Variants in FSBP observed in about 807,000 individuals in gnomAD.
FSBP encodes fibrinogen silencer-binding protein.
FSBP carries 18 observed loss-of-function variants against 24.6 expected under a neutral mutation model. That is an observed-to-expected ratio of 0.73 (90% confidence interval 0.51 to 1.08). The LOEUF (loss-of-function observed/expected upper bound fraction) is 1.08. Ranked by LOEUF, FSBP falls within the 50% of genes least tolerant of loss-of-function variation. The pLI is 0.00. For synonymous variants in FSBP, 110 were observed against 125.8 expected (o/e 0.87, Z 0.84); for missense variants, 305 against 347.6 (o/e 0.88, Z 0.98).
intron 1 of FSBP, among the ~76,000 whole-genome samples, chr8:94,434,536 T>G (rs1812204965): frequency 6.6e-6 from 1 of 151,872 alleles, no homozygotes; most frequent in Non-Finnish European, 1.5e-5. Context: ...TTTAAGTATG[T>G]TAACGCAAAC....
rs79346983 is a variant in FSBP, at chr8:94,432,172, T to C, written c.859A>G (p.Ile287Val). The change falls in exon 2 of 2, where the codon ATT becomes GTT. Residue 287 changes from isoleucine (I) to valine (V), a missense_variant. Physicochemically the swap from Ile to Val is conservative, Grantham distance 29. Coordinates refer to ENST00000481490, the MANE Select transcript of FSBP (RefSeq NM_001256141.2). The stretch of plus-strand genomic sequence containing the variant: ...TCAGGTAGATCATGCCGTAAGCGAA[T>C]TGCTTTCAGCTTCTCCACTTCAATT... ...AKIEVEKLKA[I>V]RLRHDLPEYN... The C allele has an allele frequency of 1.1e-3, 1,657 of 1,550,154 alleles. 29 individuals carry two copies. In the East Asian group the frequency reaches 0.026, roughly 25 times the overall value.
At position 94,428,021 on chromosome 8, in the gene FSBP, G is replaced by A; in HGVS notation, c.*4110C>T. ...ATTTTAAGAAATCTGGTATTCGTTAGAAATGAGTTTCACTGACTTTTCTCA... is the reference window on the plus strand; with the variant it reads ...ATTTTAAGAAATCTGGTATTCGTTAAAAATGAGTTTCACTGACTTTTCTCA... On this transcript the variant is annotated 3_prime_UTR_variant, in exon 2 of 2. Transcript: ENST00000481490. 9 of 937,462 alleles carry A rather than the reference G, an allele frequency of 9.6e-6. No individual in the cohort carries two copies. Among genetic ancestry groups the A allele is most frequent in the Non-Finnish European group, 1.1e-5 (9 of 786,462 alleles). 58.1% of individuals were successfully genotyped at this position (937,462 alleles called of 1,614,324 possible). A position where few individuals can be genotyped will look rare whatever the true frequency, so the allele number is the denominator to read the frequency against.
At chr8:94,433,025 A>T (rs1456577236) in intron 1 of FSBP, among the ~76,000 whole-genome samples, 1 of 152,132 alleles carries the variant, frequency 6.6e-6, no homozygotes, top group Non-Finnish European at 1.5e-5. Flanking sequence ...CATTTAATGC[A>T]TTCTCAGTCT....
rs1812069643 is a variant in FSBP at position 94,430,674 on chromosome 8, G to A, written c.*1457C>T. ...CACAAAGTGGAAGCCCAATGGCTCA[G>A]TGAGGCCCACTCACATGTTGTCTGT... On this transcript the variant is annotated 3_prime_UTR_variant, in exon 2 of 2. Coordinates refer to ENST00000481490, the MANE Select transcript of FSBP (RefSeq NM_001256141.2). The A allele has an allele frequency of 1.3e-6, 1 of 791,688 alleles. No individual in the cohort carries two copies. The highest frequency in any genetic ancestry group is 1.5e-6 in the Non-Finnish European group (1 of 653,404). 49.0% of individuals were successfully genotyped at this position (791,688 alleles called of 1,614,324 possible).
chr8:94,432,943 G>C (rs1440396612), intron 1 of FSBP, among the ~76,000 whole-genome samples: 1 of 151,984 alleles, frequency 6.6e-6, no homozygotes, highest in Non-Finnish European at 1.5e-5. Context: ...AAAAAGAAAA[G>C]CCAGTTTTCA....
Position 94,436,660 on chromosome 8 carries a change from G to T in FSBP, c.209C>A (p.Thr70Asn). The T allele has an allele frequency of 6.4e-7, 1 of 1,550,502 alleles. No homozygotes were observed. The highest frequency in any genetic ancestry group is 1.2e-5 in the South Asian group (1 of 84,054). ...RPPRTAQGLR[T>N]LYKRLKEYAK... ...ATATTCTTTGAGCCTTTTATAAAGGGTGCGTAGGCCCTGTGCTGTTCGAGG... is the reference window on the plus strand; with the variant it reads ...ATATTCTTTGAGCCTTTTATAAAGGTTGCGTAGGCCCTGTGCTGTTCGAGG... Residue 70 changes from threonine to asparagine, a missense_variant, in exon 1 of 2, where the codon ACC becomes AAC. By Grantham distance (65) the Thr-to-Asn change is moderately conservative (BLOSUM62 0). Transcript: ENST00000481490.
rs1792740433 is a variant in FSBP, at chr8:94,428,945, A to G, written c.*3186T>C. Reference sequence around the variant, plus strand: ...TCGGAAAAGGATTCTATGGTCAAATAAATAATTTTCTTTATACAGGAATTC... The same window carrying G: ...TCGGAAAAGGATTCTATGGTCAAATGAATAATTTTCTTTATACAGGAATTC... On this transcript the variant is annotated 3_prime_UTR_variant, in exon 2 of 2. Transcript: ENST00000481490. The G allele has an allele frequency of 4.2e-5, 41 of 983,536 alleles. No homozygotes were observed. The highest frequency in any genetic ancestry group is 4.7e-5 in the Non-Finnish European group (39 of 828,328). 60.9% of individuals were successfully genotyped at this position (983,536 alleles called of 1,614,324 possible). A position where few individuals can be genotyped will look rare whatever the true frequency, so the allele number is the denominator to read the frequency against.
Position 94,431,378 on chromosome 8 carries a change from T to C in FSBP, c.*753A>G, listed in dbSNP as rs868717612. On this transcript the variant is annotated 3_prime_UTR_variant, in exon 2 of 2. Transcript: ENST00000481490. ...AAAAATAGAGAGAGAATGGGGGTAA[T>C]TGATGTAATTATCCTGATTTCACAA... 4.5e-5 allele frequency: 44 copies of C among 984,728 alleles called. No individual in the cohort carries two copies. The highest frequency in any genetic ancestry group is 5.2e-4 in the Middle Eastern group (1 of 1,912). 61.0% of individuals were successfully genotyped at this position (984,728 alleles called of 1,614,324 possible).
In FSBP at chr8:94,430,141, G is replaced by A. The variant is rs200733336; in HGVS notation, c.*1990C>T. 33 of 672,900 alleles carry A rather than the reference G, an allele frequency of 4.9e-5. No individual in the cohort carries two copies. In the East Asian group the frequency reaches 1.8e-3, roughly 36 times the overall value. The allele number at this position is 672,900 out of a possible 1,614,324, so 41.7% of individuals were successfully genotyped here. A position where few individuals can be genotyped will look rare whatever the true frequency, so the allele number is the denominator to read the frequency against. On this transcript the variant is annotated 3_prime_UTR_variant, in exon 2 of 2. Coordinates refer to ENST00000481490, the MANE Select transcript of FSBP (RefSeq NM_001256141.2). ...ATCCTGGCTAACACAGTGAAACCCC[G>A]TCTCTACTAAAAACACAAAAAATTA...
Position 94,428,134 on chromosome 8 carries a change from G to T in FSBP, c.*3997C>A. On this transcript the variant is annotated 3_prime_UTR_variant, in exon 2 of 2. Transcript: ENST00000481490. ...ATTCATATGGATAAGAGAAAGATAG[G>T]AAAGTGGCTATCCACTATCTAAATT... The T allele has an allele frequency of 1.1e-6, 1 of 883,672 alleles. No homozygotes were observed. Among genetic ancestry groups the T allele is most frequent in the Non-Finnish European group, 1.4e-6 (1 of 737,454 alleles). The allele number at this position is 883,672 out of a possible 1,614,324, so 54.7% of individuals were successfully genotyped here.
At position 94,431,773 on chromosome 8, in the gene FSBP, C is replaced by G; in HGVS notation, c.*358G>C. On this transcript the variant is annotated 3_prime_UTR_variant, in exon 2 of 2. Coordinates refer to ENST00000481490, the MANE Select transcript of FSBP (RefSeq NM_001256141.2). ...CTAAATTAGACTGACTTAAAAATCTCTAATTATAGCTTTCAAAGTTCTAAC... is the reference window on the plus strand; with the variant it reads ...CTAAATTAGACTGACTTAAAAATCTGTAATTATAGCTTTCAAAGTTCTAAC... 3 of 996,402 alleles carry G rather than the reference C, an allele frequency of 3.0e-6. No individual in the cohort carries two copies. Among genetic ancestry groups the G allele is most frequent in the Non-Finnish European group, 3.6e-6 (3 of 836,002 alleles). 61.7% of individuals were successfully genotyped at this position (996,402 alleles called of 1,614,324 possible).
In FSBP at chr8:94,430,966, C is replaced by G; in HGVS notation, c.*1165G>C. On this transcript the variant is annotated 3_prime_UTR_variant, in exon 2 of 2. Transcript: ENST00000481490. ...AATCCACTTTTTCCCATTCTTTTGTCTTTTTTCCAGCGTCTCACTCTTGAC... is the reference window on the plus strand; with the variant it reads ...AATCCACTTTTTCCCATTCTTTTGTGTTTTTTCCAGCGTCTCACTCTTGAC... 1 of 985,298 alleles carries G rather than the reference C, an allele frequency of 1.0e-6. No homozygotes were observed. The highest frequency in any genetic ancestry group is 1.2e-6 in the Non-Finnish European group (1 of 829,904). The allele number at this position is 985,298 out of a possible 1,614,324, so 61.0% of individuals were successfully genotyped here. A position where few individuals can be genotyped will look rare whatever the true frequency, so the allele number is the denominator to read the frequency against.
In FSBP at chr8:94,430,590, G is replaced by T; in HGVS notation, c.*1541C>A. ...TTACATTTCTAACAAGTTCTCAAGT[G>T]ATGCTGATGCTGCTGGTCAGGACCC... On this transcript the variant is annotated 3_prime_UTR_variant, in exon 2 of 2. Transcript: ENST00000481490. The T allele has an allele frequency of 1.7e-6, 1 of 605,834 alleles. No homozygotes were observed. Among genetic ancestry groups the T allele is most frequent in the Non-Finnish European group, 2.1e-6 (1 of 483,752 alleles). 37.5% of individuals were successfully genotyped at this position (605,834 alleles called of 1,614,324 possible). A position where few individuals can be genotyped will look rare whatever the true frequency, so the allele number is the denominator to read the frequency against.
chr8:94,432,473 A>C lies in FSBP; in HGVS notation c.558T>G (p.His186Gln), dbSNP rs1356466380. ...AAGGCGACAAGGATCTTTCCATAAC[A>C]TGTACTAATTCATGTTCTTCTCTTT... Reference protein sequence around the residue: ...LEQREEHELVHVMERSLSPSL... With the variant: ...LEQREEHELVQVMERSLSPSL... The change falls in exon 2 of 2, where the codon CAT (histidine) becomes CAG (glutamine). Residue 186 changes from histidine to glutamine, a missense_variant. His to Gln is a conservative substitution (Grantham distance 24, BLOSUM62 0). Coordinates refer to ENST00000481490, the MANE Select transcript of FSBP (RefSeq NM_001256141.2). 1 of 1,550,498 alleles carries C rather than the reference A, an allele frequency of 6.4e-7. No homozygotes were observed. The highest frequency in any genetic ancestry group is 8.7e-7 in the Non-Finnish European group (1 of 1,146,866).
intron 1 of FSBP, among the ~76,000 whole-genome samples, chr8:94,436,291 G>A (rs1277744394): frequency 6.6e-6 from 1 of 152,040 alleles, no homozygotes; most frequent in African/African-American, 2.4e-5. Flanking sequence ...AAGGGGGAGG[G>A]GAAGACAGTA....
chr8:94,434,415 T>C (rs994469604), intron 1 of FSBP, among the ~76,000 whole-genome samples: 1 of 151,808 alleles, frequency 6.6e-6, no homozygotes, highest in African/African-American at 2.4e-5. Flanking sequence ...ACTTTGAAGA[T>C]CAGTTTACAA....
Position 94,436,618 on chromosome 8 carries a change from A to G in FSBP, c.251T>C (p.Leu84Ser). 1.9e-5 allele frequency: 29 copies of G among 1,550,494 alleles called. No individual in the cohort carries two copies. The highest frequency in any genetic ancestry group is 2.5e-5 in the Non-Finnish European group (29 of 1,146,946). The stretch of plus-strand genomic sequence containing the variant: ...ATCTGATTGGGTCTCTTTTTGCTGC[A>G]ATAGCTCCTGTTTGGCATATTCTTT... ...RLKEYAKQEL[L>S]QQKETQSDFK... Residue 84 changes from leucine (L) to serine (S), a missense_variant, in exon 1 of 2, where the codon TTG (leucine) becomes TCG (serine). Coordinates refer to ENST00000481490, the MANE Select transcript of FSBP (RefSeq NM_001256141.2).
rs907476286 is a variant in FSBP, at chr8:94,428,083, A to G, written c.*4048T>C. ...TAAATCACAGCTAGTTTAGAAAATC[A>G]TAAGTTGTAACAACATATCCATTAC... On this transcript the variant is annotated 3_prime_UTR_variant, in exon 2 of 2. Transcript: ENST00000481490. The G allele has an allele frequency of 5.3e-5, 50 of 951,090 alleles. No individual in the cohort carries two copies. The South Asian group carries it at 6.8e-4, about 13-fold the overall frequency. 58.9% of individuals were successfully genotyped at this position (951,090 alleles called of 1,614,324 possible).
Position 94,436,663 on chromosome 8 carries a change from C to A in FSBP, c.206G>T (p.Arg69Leu). The part of the protein sequence containing the change: ...DRPPRTAQGL[R>L]TLYKRLKEYA... ...TTCTTTGAGCCTTTTATAAAGGGTG[C>A]GTAGGCCCTGTGCTGTTCGAGGAGG... The change falls in exon 1 of 2, where the codon CGC becomes CTC. Residue 69 changes from arginine (R) to leucine (L), a missense_variant. Physicochemically the swap from Arg to Leu is moderately radical, Grantham distance 102. Coordinates refer to ENST00000481490, the MANE Select transcript of FSBP (RefSeq NM_001256141.2). 1.3e-6 allele frequency: 2 copies of A among 1,550,500 alleles called. No homozygotes were observed. Among genetic ancestry groups the A allele is most frequent in the Non-Finnish European group, 1.7e-6 (2 of 1,146,948 alleles).
Sources: gnomAD v4.1 joint callset for allele counts (sites outside exome capture counted in the v4.1 genomes callset) on GRCh38, gnomAD v4.1.1 for gene constraint, MANE v1.5 for transcripts, NCBI Gene and HGNC (gene_info 2026-07-23, HGNC 2026-07-21) for gene names.